Variants in LYN observed in about 807,000 individuals in gnomAD.
LYN encodes tyrosine-protein kinase Lyn.
In LYN, 12 loss-of-function variants were observed where a neutral mutation model predicts 65.0. The observed-to-expected ratio is 0.18, with a 90% confidence interval of 0.12 to 0.30. LYN has a LOEUF of 0.30. Ranked by LOEUF, LYN falls within the 10% of genes least tolerant of loss-of-function variation. LYN has a pLI of 1.00. For synonymous variants in LYN, 222 were observed against 221.2 expected (o/e 1.00, Z -0.03); for missense variants, 380 against 623.2 (o/e 0.61, Z 4.16).
intron 1 of LYN, among the ~76,000 whole-genome samples, chr8:55,920,154 G>A (rs1367420499): frequency 6.6e-6 from 1 of 152,168 alleles, no homozygotes; most frequent in Non-Finnish European, 1.5e-5. Context: ...ATTGTGGGAA[G>A]GCCAGTGTGA....
chr8:55,939,588 T>A (rs1485046315), intron 1 of LYN, among the ~76,000 whole-genome samples: 1 of 152,070 alleles, frequency 6.6e-6, no homozygotes, highest in African/African-American at 2.4e-5. Context: ...CAGTCAGGGC[T>A]CGGTCCGTGC....
At chr8:56,005,496 G>A (rs1808648175) in intron 12 of LYN, among the ~76,000 whole-genome samples, 1 of 152,214 alleles carries the variant, frequency 6.6e-6, no homozygotes, top group South Asian at 2.1e-4. Flanking sequence ...CACACAGTGT[G>A]TGCCTTCCTG....
At chr8:56,009,411 A>G (rs1031721297) in intron 12 of LYN, among the ~76,000 whole-genome samples, 3 of 152,248 alleles carry the variant, frequency 2.0e-5, no homozygotes, top group Non-Finnish European at 4.4e-5. Context: ...AAGGGCTGCC[A>G]TAACAATACA....
chr8:55,880,564 C>T (rs1804624265), intron 1 of LYN, among the ~76,000 whole-genome samples: 1 of 152,232 alleles, frequency 6.6e-6, no homozygotes, highest in Non-Finnish European at 1.5e-5. Flanking sequence ...GATCTCCCCT[C>T]TGGACCCTGG....
Position 55,914,119 on chromosome 8 carries a change from C to T in LYN, c.-5-27736C>T, listed in dbSNP as rs375895931. On this transcript the variant is annotated intron_variant, in intron 1 of 12. Transcript: ENST00000519728. ...TTGTTGGTGTGTGTGTGTGTGTGCA[C>T]GTATGACAGAGAGAGAAAGAAGAGG... Among the ~76,000 whole-genome samples, 198 of 151,242 alleles carry T rather than the reference C, an allele frequency of 1.3e-3. 1 individual carries two copies. Among genetic ancestry groups the T allele is most frequent in the African/African-American group, 4.5e-3 (186 of 41,158 alleles).
At chr8:55,942,823 A>C (rs768711450) in intron 2 of LYN, among the ~76,000 whole-genome samples, 1 of 150,590 alleles carries the variant, frequency 6.6e-6, no homozygotes, top group Non-Finnish European at 1.5e-5. Flanking sequence ...AGATTAGCTC[A>C]GTGGTTTAGA....
chr8:55,907,271 A>G (rs1160179345), intron 1 of LYN, among the ~76,000 whole-genome samples: 1 of 152,228 alleles, frequency 6.6e-6, no homozygotes, highest in Non-Finnish European at 1.5e-5. Flanking sequence ...TGAGACACTG[A>G]TATATTCAAC....
intron 10 of LYN, among the ~76,000 whole-genome samples, chr8:55,975,127 C>T (rs192151738): frequency 1.3e-5 from 2 of 152,294 alleles, no homozygotes; most frequent in South Asian, 2.1e-4. Context: ...GCTGTGGATT[C>T]AGGGGCCACA....
intron 1 of LYN, chr8:55,893,588 T>A (rs1377422845): frequency 6.6e-6 from 1 of 152,232 alleles, no homozygotes; most frequent in Non-Finnish European, 1.5e-5. Flanking sequence ...ACCTGTGGCA[T>A]TTGTTAATCC....
chr8:55,969,856 A>G (rs1807564352), intron 10 of LYN, 63 bp downstream of exon 10: 3 of 1,373,490 alleles, frequency 2.2e-6, no homozygotes, highest in Middle Eastern at 1.8e-4. Context: ...CGTCAAATTC[A>G]TGAAGGAGTT....
intron 9 of LYN, 85 bp downstream of exon 9, chr8:55,966,982 GT>G: frequency 7.7e-7 from 1 of 1,290,522 alleles, no homozygotes; most frequent in South Asian, 1.5e-5. Context: ...CACTCAACTA[GT>G]TTAATTATCA....
At chr8:55,966,483 T>A (rs780765978) in intron 8 of LYN, among the ~76,000 whole-genome samples, 1 of 152,068 alleles carries the variant, frequency 6.6e-6, no homozygotes, top group Non-Finnish European at 1.5e-5. Context: ...TTCTCCTGTC[T>A]CAGCATCCTG....
At chr8:55,903,301 T>C (rs1805330521) in intron 1 of LYN, among the ~76,000 whole-genome samples, 1 of 152,220 alleles carries the variant, frequency 6.6e-6, no homozygotes, top group South Asian at 2.1e-4. Flanking sequence ...CCTTGTACTT[T>C]CTTGAATGGG....
chr8:55,975,797 G>T (rs1277595322), intron 10 of LYN, among the ~76,000 whole-genome samples: 2 of 125,508 alleles, frequency 1.6e-5, no homozygotes, highest in African/African-American at 6.1e-5. Context: ...TATAAAACAG[G>T]AACTCTTTTT....
chr8:55,953,478 C>T (rs1281001886), intron 7 of LYN, among the ~76,000 whole-genome samples: 2 of 152,042 alleles, frequency 1.3e-5, no homozygotes, highest in African/African-American at 4.8e-5. Flanking sequence ...AAAATTCTGT[C>T]TCTACTAAAA....
intron 1 of LYN, among the ~76,000 whole-genome samples, chr8:55,883,953 A>C (rs1401446771): frequency 6.6e-6 from 1 of 152,154 alleles, no homozygotes; most frequent in Non-Finnish European, 1.5e-5. Flanking sequence ...TCACTCCATT[A>C]TCATTTCTAA....
At chr8:55,997,947 G>A (rs1254094529) in intron 10 of LYN, among the ~76,000 whole-genome samples, 1 of 152,184 alleles carries the variant, frequency 6.6e-6, no homozygotes, top group African/African-American at 2.4e-5. Flanking sequence ...AGCCGGGCAT[G>A]GTGGTGGGTG....
intron 10 of LYN, among the ~76,000 whole-genome samples, chr8:55,996,759 ACGAGTAG>A (rs1193677998): frequency 6.6e-6 from 1 of 152,088 alleles, no homozygotes; most frequent in Non-Finnish European, 1.5e-5. Context: ...CTATTCAGCA[ACGAGTAG>A]TAGTTTTGCC....
rs1303699793 is a variant in LYN, at chr8:55,954,062, A to G, written c.790+78A>G. 7 of 1,468,744 alleles carry G rather than the reference A, an allele frequency of 4.8e-6. No homozygotes were observed. In the South Asian group the frequency reaches 6.0e-5, roughly 13 times the overall value. 91.0% of individuals were successfully genotyped at this position (1,468,744 alleles called of 1,614,324 possible). A position where few individuals can be genotyped will look rare whatever the true frequency, so the allele number is the denominator to read the frequency against. ...GTAAAGGCTCAAGCCAATTTCGATC[A>G]GCTTCTGAGCCAGACACTAAATTAT... is the stretch of plus-strand genomic sequence containing the variant. On this transcript the variant is annotated intron_variant, in intron 8 of 12. Transcript: ENST00000519728.
Sources: allele counts gnomAD v4.1 joint callset (sites outside exome capture counted in the v4.1 genomes callset), GRCh38; gene constraint gnomAD v4.1.1; transcripts MANE v1.5; gene names NCBI Gene and HGNC (gene_info 2026-07-23, HGNC 2026-07-21).